Variants in ST7 observed in about 807,000 individuals in gnomAD.
ST7 encodes the protein suppressor of tumorigenicity 7 protein.
A neutral mutation model predicts 78.7 loss-of-function variants in ST7; 28 were observed. That is an observed-to-expected ratio of 0.36 (90% CI 0.26 to 0.49). The LOEUF is 0.49. Ranked by LOEUF, ST7 falls within the 20% of genes least tolerant of loss-of-function variation. The pLI, the probability that ST7 is intolerant of heterozygous loss-of-function variation, is 0.99. For missense variants in ST7, 418 were observed against 696.0 expected (o/e 0.60, Z 4.49); for synonymous variants, 247 against 249.6 (o/e 0.99, Z 0.10).
intron 9 of ST7, among the ~76,000 whole-genome samples, chr7:117,165,600 T>A (rs951351459): frequency 6.6e-6 from 1 of 152,168 alleles, no homozygotes; most frequent in Non-Finnish European, 1.5e-5. Flanking sequence ...GCACCTATGA[T>A]AGGTCGGTCA....
At chr7:117,098,904 C>T (rs1801330952) in intron 1 of ST7, 1 of 1,155,812 alleles carries the variant, frequency 8.7e-7, no homozygotes, top group Non-Finnish European at 1.2e-6. Flanking sequence ...GTATAAAATA[C>T]TTGTAAGTGA....
intron 1 of ST7, among the ~76,000 whole-genome samples, chr7:117,022,666 G>A (rs909921458): frequency 1.3e-5 from 2 of 152,082 alleles, no homozygotes; most frequent in African/African-American, 2.4e-5. Flanking sequence ...CTAAATTATC[G>A]TAAGAAATAC....
intron 9 of ST7, chr7:117,145,249 T>C (rs1193820150): frequency 1.3e-5 from 2 of 152,162 alleles, no homozygotes; most frequent in Non-Finnish European, 1.5e-5. Flanking sequence ...AATATGGATG[T>C]GGTGAAGAAA....
At chr7:117,006,990 C>T (rs531767648) in intron 1 of ST7, among the ~76,000 whole-genome samples, 1 of 152,344 alleles carries the variant, frequency 6.6e-6, no homozygotes, top group South Asian at 2.1e-4. Context: ...TTCTCTCCCT[C>T]TCTTTCGACC....
chr7:117,093,565 G>A (rs1030976226), intron 1 of ST7, among the ~76,000 whole-genome samples: 3 of 152,110 alleles, frequency 2.0e-5, no homozygotes, highest in Non-Finnish European at 2.9e-5. Flanking sequence ...GCCGGGTGTG[G>A]TGGCACATGC....
chr7:117,218,688 C>T (rs760105467), intron 13 of ST7, among the ~76,000 whole-genome samples: 24 of 152,228 alleles, frequency 1.6e-4, no homozygotes, highest in African/African-American at 2.2e-4. Flanking sequence ...TCCAACAAGT[C>T]GATCCACATT....
intron 9 of ST7, among the ~76,000 whole-genome samples, chr7:117,167,443 G>T (rs939002310): frequency 1.3e-5 from 2 of 151,864 alleles, no homozygotes; most frequent in African/African-American, 4.8e-5. Flanking sequence ...TCTGAAATAG[G>T]AAATACCAAG....
chr7:117,123,570 T>A (rs1803583342), intron 3 of ST7, among the ~76,000 whole-genome samples: 1 of 152,168 alleles, frequency 6.6e-6, no homozygotes, highest in Non-Finnish European at 1.5e-5. Context: ...ATTTGGGAGC[T>A]AAACTGCTGT....
chr7:117,071,570 A>G (rs1584567250), intron 1 of ST7, among the ~76,000 whole-genome samples: 1 of 152,250 alleles, frequency 6.6e-6, no homozygotes, highest in African/African-American at 2.4e-5. Flanking sequence ...TATTTGATAA[A>G]TATTAATTCA....
chr7:116,976,250 C>T (rs1433280179), intron 1 of ST7, among the ~76,000 whole-genome samples: 3 of 152,104 alleles, frequency 2.0e-5, no homozygotes, highest in African/African-American at 7.2e-5. Flanking sequence ...GGTGACAGAG[C>T]AAGACTCTCT....
At chr7:116,972,761 AGG>A in intron 1 of ST7, 1 of 924,084 alleles carries the variant, frequency 1.1e-6, no homozygotes, top group Non-Finnish European at 1.8e-6. Context: ...CGGTTCAAGG[AGG>A]CCACCTCAGC....
At chr7:117,037,124 C>T (rs79275264) in intron 1 of ST7, among the ~76,000 whole-genome samples, 2,678 of 152,230 alleles carry the variant, frequency 0.018, 89 homozygotes, top group African/African-American at 0.061. Flanking sequence ...GCCTGAGCCA[C>T]GTTTTGTGAG....
At chr7:117,169,824 G>C (rs73468781) in intron 9 of ST7, among the ~76,000 whole-genome samples, 2 of 64,092 alleles carry the variant, frequency 3.1e-5, no homozygotes, top group African/African-American at 1.2e-4. Flanking sequence ...TTTTTTTTTT[G>C]TCCTGAGTAG....
intron 1 of ST7, among the ~76,000 whole-genome samples, chr7:117,017,159 A>T (rs1795655484): frequency 6.6e-6 from 1 of 152,168 alleles, no homozygotes; most frequent in African/African-American, 2.4e-5. Flanking sequence ...TTTACCTAAA[A>T]TAACCTTCTC....
intron 1 of ST7, among the ~76,000 whole-genome samples, chr7:117,027,601 G>C (rs181812236): frequency 3.9e-5 from 6 of 152,042 alleles, no homozygotes; most frequent in Non-Finnish European, 7.4e-5. Context: ...TTAGACTCTG[G>C]GCGGGACATG....
At chr7:117,082,479 A>T (rs1429120553) in intron 1 of ST7, among the ~76,000 whole-genome samples, 2 of 152,196 alleles carry the variant, frequency 1.3e-5, no homozygotes, top group Non-Finnish European at 2.9e-5. Context: ...ATGCTAGGCT[A>T]TATTTAGGAT....
chr7:117,092,211 G>A (rs1015645767), intron 1 of ST7, among the ~76,000 whole-genome samples: 4 of 148,868 alleles, frequency 2.7e-5, no homozygotes, highest in Admixed American at 6.8e-5. Context: ...CCCGGGAGGC[G>A]GAGCTTGCAG....
intron 1 of ST7, among the ~76,000 whole-genome samples, chr7:116,981,597 T>G (rs1438233072): frequency 6.6e-6 from 1 of 152,234 alleles, no homozygotes; most frequent in Admixed American, 6.5e-5. Flanking sequence ...TATTCTCTTT[T>G]GTAGATAACA....
chr7:117,229,610 CTGA>C, intron 15 of ST7, 149 bp from the exon 16 acceptor site: 1 of 694,570 alleles, frequency 1.4e-6, no homozygotes, highest in East Asian at 2.5e-5. Flanking sequence ...TGACCATCAG[CTGA>C]TGTTTCCTGT....
Sources: allele counts gnomAD v4.1 joint callset (sites outside exome capture counted in the v4.1 genomes callset), GRCh38; gene constraint gnomAD v4.1.1; transcripts MANE v1.5; gene names NCBI Gene and HGNC (gene_info 2026-07-23, HGNC 2026-07-21).